The following PLEKHG1 variants were observed in gnomAD, a reference collection of about 807,000 sequenced individuals.
PLEKHG1 encodes the protein pleckstrin homology domain-containing family G member 1.
In PLEKHG1, 44 loss-of-function variants were observed where a neutral mutation model predicts 100.8. The observed-to-expected ratio is 0.44, with a 90% CI of 0.34 to 0.56. The LOEUF (loss-of-function observed/expected upper bound fraction) is 0.56, where lower values mean the gene tolerates loss of function less well. Ranked by LOEUF, PLEKHG1 falls within the 20% of genes least tolerant of loss-of-function variation. PLEKHG1 has a pLI of 0.01. For missense variants in PLEKHG1, 1,545 were observed against 1,720.9 expected (o/e 0.90, Z 1.81); for synonymous variants, 640 against 662.5 (o/e 0.97, Z 0.52).
intron 3 of PLEKHG1, among the ~76,000 whole-genome samples, chr6:150,692,111 C>T (rs1432172901): frequency 6.6e-6 from 1 of 152,010 alleles, no homozygotes; most frequent in African/African-American, 2.4e-5. Flanking sequence ...TTAACCTCAC[C>T]CCATATAAGG....
At chr6:150,677,877 CA>C (rs1376201020) in intron 3 of PLEKHG1, among the ~76,000 whole-genome samples, 1 of 150,296 alleles carries the variant, frequency 6.7e-6, no homozygotes, top group Non-Finnish European at 1.5e-5. Context: ...ACCCTGTCTC[CA>C]AAATAAATAA....
intron 1 of PLEKHG1, among the ~76,000 whole-genome samples, chr6:150,605,290 G>A (rs1776549681): frequency 6.6e-6 from 1 of 152,220 alleles, no homozygotes; most frequent in South Asian, 2.1e-4. Flanking sequence ...GGCCTTGGAT[G>A]CGATACACAG....
At chr6:150,843,378 A>G (rs1777614980) in exon 16 of PLEKHG1, 1 of 151,760 alleles carries the variant, frequency 6.6e-6, no homozygotes, top group Non-Finnish European at 1.5e-5. Context: ...TCATGTTTGT[A>G]TTTTTTTCCT....
intron 3 of PLEKHG1, among the ~76,000 whole-genome samples, chr6:150,687,311 A>G (rs117032298): frequency 0.01 from 1,528 of 152,286 alleles, 15 homozygotes; most frequent in Middle Eastern, 0.021. Flanking sequence ...TAGGATGAAA[A>G]AGGTATACTG....
At position 150,831,354 on chromosome 6, in the gene PLEKHG1, C is replaced by T. The variant is rs754246681; in HGVS notation, c.2243C>T (p.Pro748Leu). ...AACATCTATGACACCATAGGGCTCC[C>T]AGATCCTCCGTCGCTGGGTTTTAAG... is the stretch of plus-strand genomic sequence containing the variant. The change falls in exon 15 of 16, where the codon CCA becomes CTA. Residue 748 changes from proline to leucine, a missense_variant. Physicochemically the swap from Pro to Leu is moderately conservative, Grantham distance 98. Transcript: ENST00000358517. This position sits in a 1 kb window ranked among gnomAD's most constrained non-coding sequence, Gnocchi z 4.1. 1.2e-5 allele frequency: 19 copies of T among 1,613,970 alleles called. No homozygotes were observed. In the South Asian group the frequency reaches 1.3e-4, roughly 11 times the overall value.
intron 1 of PLEKHG1, among the ~76,000 whole-genome samples, chr6:150,724,148 C>T (rs1781838191): frequency 6.6e-6 from 1 of 152,224 alleles, no homozygotes; most frequent in Non-Finnish European, 1.5e-5. Flanking sequence ...GCACTGGTAT[C>T]CTTCTTAGAG....
At chr6:150,736,770 AAAAAAC>A (rs376473228) in intron 2 of PLEKHG1, among the ~76,000 whole-genome samples, 18 of 151,996 alleles carry the variant, frequency 1.2e-4, no homozygotes, top group South Asian at 2.1e-4. Flanking sequence ...CTCCATCTTT[AAAAAAC>A]AAAAACAAAA....
At chr6:150,722,371 T>G (rs1265457342) in intron 1 of PLEKHG1, among the ~76,000 whole-genome samples, 1 of 91,290 alleles carries the variant, frequency 1.1e-5, no homozygotes, top group Non-Finnish European at 2.4e-5. Context: ...TTTTTTTTTT[T>G]GAGACTGAGT....
At chr6:150,689,054 T>C (rs1780248837) in intron 3 of PLEKHG1, among the ~76,000 whole-genome samples, 2 of 152,370 alleles carry the variant, frequency 1.3e-5, no homozygotes, top group African/African-American at 4.8e-5. Flanking sequence ...GTCCTGTCTT[T>C]GATAACTTCT....
intron 2 of PLEKHG1, among the ~76,000 whole-genome samples, chr6:150,750,607 C>T (rs1156882341): frequency 2.2e-4 from 34 of 151,436 alleles, no homozygotes; most frequent in Admixed American, 1.6e-3. Context: ...GGTGAAACCC[C>T]GTCTCTACTA....
intron 2 of PLEKHG1, among the ~76,000 whole-genome samples, chr6:150,742,663 C>T (rs1403720848): frequency 1.3e-5 from 2 of 151,756 alleles, no homozygotes; most frequent in Non-Finnish European, 2.9e-5. Flanking sequence ...GAAATCCGCC[C>T]CCATGATCCA....
At chr6:150,636,644 CTTATT>C (rs1778013690) in intron 1 of PLEKHG1, among the ~76,000 whole-genome samples, 1 of 152,076 alleles carries the variant, frequency 6.6e-6, no homozygotes, top group South Asian at 2.1e-4. Flanking sequence ...ATAAAAATCT[CTTATT>C]TAATTATTTT....
intron 2 of PLEKHG1, among the ~76,000 whole-genome samples, chr6:150,768,018 CCA>C: frequency 6.6e-6 from 1 of 152,116 alleles, no homozygotes; most frequent in East Asian, 1.9e-4. Flanking sequence ...TCAGTTTAAC[CCA>C]CTATGGGTCT....
chr6:150,812,754 T>G (rs1041340274), intron 10 of PLEKHG1, among the ~76,000 whole-genome samples: 3 of 152,052 alleles, frequency 2.0e-5, no homozygotes, highest in Non-Finnish European at 4.4e-5. Flanking sequence ...GAGGAGACAG[T>G]GGCTCACTTC....
chr6:150,706,981 CTTTTCT>C (rs1416478700), intron 3 of PLEKHG1, among the ~76,000 whole-genome samples: 8 of 50,918 alleles, frequency 1.6e-4, no homozygotes, highest in Admixed American at 1.2e-3. Flanking sequence ...TTTTTCTTTT[CTTTTCT>C]TTTTCTTTTT....
chr6:150,617,680 G>A (rs932770089), intron 1 of PLEKHG1, among the ~76,000 whole-genome samples: 4 of 152,138 alleles, frequency 2.6e-5, no homozygotes, highest in South Asian at 2.1e-4. Flanking sequence ...GATGGTGAGC[G>A]GTGAATACAG....
chr6:150,775,852 G>A (rs1784932551), intron 3 of PLEKHG1, among the ~76,000 whole-genome samples: 1 of 151,962 alleles, frequency 6.6e-6, no homozygotes, highest in South Asian at 2.1e-4. Context: ...TTTTACCCAC[G>A]CTTTTTTCAA....
chr6:150,834,279 G>A (rs1777110975), intron 15 of PLEKHG1, among the ~76,000 whole-genome samples: 1 of 152,210 alleles, frequency 6.6e-6, no homozygotes, highest in Non-Finnish European at 1.5e-5. Context: ...TACAGGGAAA[G>A]TGACTGAGTT....
At chr6:150,641,260 A>T (rs1778247127) in intron 2 of PLEKHG1, among the ~76,000 whole-genome samples, 1 of 152,244 alleles carries the variant, frequency 6.6e-6, no homozygotes, top group African/African-American at 2.4e-5. Flanking sequence ...AGTTTAATAT[A>T]GTCTAAACTG....
Sources: gnomAD v4.1 joint callset for allele counts (sites outside exome capture counted in the v4.1 genomes callset) on GRCh38, gnomAD v4.1.1 for gene constraint, Gnocchi (gnomAD v3.1) non-coding constraint, MANE v1.5 for transcripts, NCBI Gene and HGNC (gene_info 2026-07-23, HGNC 2026-07-21) for gene names.